LAX1: variants seen among roughly 807,000 people sequenced by gnomAD.
The protein encoded by LAX1 is lymphocyte transmembrane adapter 1.
LAX1 carries 17 observed loss-of-function variants against 20.7 expected under a neutral mutation model. The observed-to-expected ratio is 0.82, with a 90% CI of 0.56 to 1.23. The LOEUF is 1.23. Ranked by LOEUF, LAX1 falls within the 50% of genes most tolerant of loss-of-function variation. The pLI is 0.00. For synonymous variants in LAX1, 165 were observed against 181.0 expected (o/e 0.91, Z 0.71); for missense variants, 470 against 487.0 (o/e 0.97, Z 0.33).
chr1:203,773,782 TTTCAG>T, intron 4 of LAX1, 88 bp from the exon 5 acceptor site: 1 of 193,232 alleles, frequency 5.2e-6, no homozygotes, highest in African/African-American at 3.2e-5. Flanking sequence ...TTTTTTTTTT[TTTCAG>T]AATATGCCAG....
intron 4 of LAX1, among the ~76,000 whole-genome samples, chr1:203,772,774 C>T (rs1667443399): frequency 6.7e-6 from 1 of 149,006 alleles, no homozygotes; most frequent in East Asian, 2.0e-4. Flanking sequence ...TTCCTGGGCT[C>T]AAGCAATCCT....
chr1:203,772,052 T>C lies in LAX1; in HGVS notation c.311-16T>C, dbSNP rs1465133236. 4.4e-6 allele frequency: 7 copies of C among 1,605,586 alleles called. No individual in the cohort carries two copies. Among genetic ancestry groups the C allele is most frequent in the Non-Finnish European group, 6.0e-6 (7 of 1,172,294 alleles). The stretch of plus-strand genomic sequence containing the variant: ...GAGGACTGGCTATCTTCAGGATTTG[T>C]TCTCTGTCCTTTCAGGGAGACATGA... On this transcript the variant is annotated splice_polypyrimidine_tract_variant and intron_variant, in intron 3 of 4. Transcript: ENST00000442561.
Position 203,774,556 on chromosome 1 carries a change from C to G in LAX1, c.1072C>G (p.Gln358Glu). Reference protein sequence around the residue: ...FQPFTQSEDSQMKHREEMSNE... With the variant: ...FQPFTQSEDSEMKHREEMSNE... The stretch of plus-strand genomic sequence containing the variant: ...GCCATTCACACAGAGTGAGGACAGT[C>G]AGATGAAACATAGAGAAGAGATGTC... The change falls in exon 5 of 5, where the codon CAG becomes GAG. Residue 358 changes from glutamine to glutamate, a missense_variant. Physicochemically the swap from Gln to Glu is conservative, Grantham distance 29 (BLOSUM62 2). Transcript: ENST00000442561. 1 of 1,614,162 alleles carries G rather than the reference C, an allele frequency of 6.2e-7. No individual in the cohort carries two copies. Among genetic ancestry groups the G allele is most frequent in the Non-Finnish European group, 8.5e-7 (1 of 1,180,018 alleles).
chr1:203,769,276 C>T (rs138632610), intron 1 of LAX1, among the ~76,000 whole-genome samples: 2 of 151,406 alleles, frequency 1.3e-5, no homozygotes, highest in African/African-American at 2.4e-5. Flanking sequence ...TCTATAGTCC[C>T]GGCTACTCAG....
intron 1 of LAX1, among the ~76,000 whole-genome samples, chr1:203,769,444 G>A (rs7536970): frequency 0.55 from 72,813 of 133,128 alleles, 19,826 homozygotes; most frequent in Non-Finnish European, 0.58. Context: ...AAAGAAAGAA[G>A]GAAAGAAAGA....
chr1:203,773,773 TTTTTTTTTTTTC>T, intron 4 of LAX1, 90 bp from the exon 5 acceptor site: 1 of 281,064 alleles, frequency 3.6e-6, no homozygotes, highest in Non-Finnish European at 6.5e-6. Context: ...TTTTTTTTTT[TTTTTTTTTTTTC>T]AGAATATGCC....
chr1:203,776,115 G>A lies in LAX1; in HGVS notation c.*1434G>A, dbSNP rs1667507277. 6.6e-6 allele frequency: 1 copy of A among 152,172 alleles called. No homozygotes were observed. The highest frequency in any genetic ancestry group is 1.5e-5 in the Non-Finnish European group (1 of 68,056). The allele number at this position is 152,172 out of a possible 1,614,324, so 9.4% of individuals were successfully genotyped here. ...GGGGAACACAAGGTCAGGAGATCAA[G>A]ACTGTCCTGGACAACATGGTGAAAC... On this transcript the variant is annotated 3_prime_UTR_variant, in exon 5 of 5. Transcript: ENST00000442561.
chr1:203,773,877 C>T lies in LAX1; in HGVS notation c.393C>T (p.Pro131=). 6.3e-7 allele frequency: 1 copy of T among 1,598,418 alleles called. No individual in the cohort carries two copies. Among genetic ancestry groups the T allele is most frequent in the Non-Finnish European group, 8.5e-7 (1 of 1,171,712 alleles). Reference sequence around the variant, plus strand: ...TGGCTTCCTTTTCTTCTTCATAGCCCTCCCAAGCAGGCAATGCCTTCCAGG... The same window carrying T: ...TGGCTTCCTTTTCTTCTTCATAGCCTTCCCAAGCAGGCAATGCCTTCCAGG... The part of the protein sequence containing the change: ...SRNSESPEHV[P]SQAGNAFQEH... Residue 131 remains proline, a splice_region_variant and synonymous_variant, in exon 5 of 5, where the codon CCC becomes CCT. Transcript: ENST00000442561.
chr1:203,770,429 AAGAAAGAG>A (rs1363108662), intron 1 of LAX1, among the ~76,000 whole-genome samples: 2 of 20,506 alleles, frequency 9.8e-5, no homozygotes, highest in African/African-American at 1.2e-4. Flanking sequence ...GAAAGAAAGA[AAGAAAGAG>A]AGAGAGAGAG....
intron 1 of LAX1, 34 bp from the exon 2 acceptor site, chr1:203,770,794 A>G: frequency 6.5e-7 from 1 of 1,540,886 alleles, no homozygotes; most frequent in Non-Finnish European, 9.0e-7. Flanking sequence ...CCACCCTCCT[A>G]CAGCTAGCAC....
rs1667395679 is a variant in LAX1, at chr1:203,770,497, G to GAAA, written c.90-331_90-330insAAA. On this transcript the variant is annotated intron_variant, in intron 1 of 4. Coordinates refer to ENST00000442561, the MANE Select transcript of LAX1 (RefSeq NM_017773.4). The stretch of plus-strand genomic sequence containing the variant: ...AGGAAGGAAGGAAGGAAGGAAGGAA[G>GAAA]GAAGGAAGGAAGGAAGAAAGAAAGA... Among the ~76,000 whole-genome samples the GAAA allele has an allele frequency of 3.7e-4, 28 of 75,314 alleles. No homozygotes were observed. In the Middle Eastern group the frequency reaches 0.019, roughly 50 times the overall value. 49.4% of individuals were successfully genotyped at this position (75,314 alleles called of 152,430 possible). A position where few individuals can be genotyped will look rare whatever the true frequency, so the allele number is the denominator to read the frequency against.
At chr1:203,768,072 A>G (rs960936226) in intron 1 of LAX1, among the ~76,000 whole-genome samples, 1 of 152,158 alleles carries the variant, frequency 6.6e-6, no homozygotes, top group Admixed American at 6.5e-5. Context: ...GCACTTTGGG[A>G]GGCCAAGGTG....
chr1:203,765,400 T>C lies in LAX1; in HGVS notation c.-166T>C. 6.4e-7 allele frequency: 1 copy of C among 1,551,868 alleles called. No homozygotes were observed. The highest frequency in any genetic ancestry group is 8.7e-7 in the Non-Finnish European group (1 of 1,147,030). Reference sequence around the variant, plus strand: ...CACGTCCAGGTAGAACCAAACCTGTTGCTTTTGTATGTTGGGTCAACTTGG... The same window carrying C: ...CACGTCCAGGTAGAACCAAACCTGTCGCTTTTGTATGTTGGGTCAACTTGG... On this transcript the variant is annotated 5_prime_UTR_variant, in exon 1 of 5. Transcript: ENST00000442561.
rs944048656 is a variant in LAX1 at position 203,765,254 on chromosome 1, C to G, written c.-312C>G. 8.2e-7 allele frequency: 1 copy of G among 1,214,264 alleles called. No individual in the cohort carries two copies. Among genetic ancestry groups the G allele is most frequent in the African/African-American group, 1.5e-5 (1 of 66,368 alleles). The allele number at this position is 1,214,264 out of a possible 1,614,324, so 75.2% of individuals were successfully genotyped here. On this transcript the variant is annotated 5_prime_UTR_variant, in exon 1 of 5. Transcript: ENST00000442561. ...TCTTGAGCCTCTTGGCAGTTTCCCC[C>G]TCTGTGCCCCTCACGTTTCCACCAG...
Position 203,776,364 on chromosome 1 carries a change from A to AC in LAX1, c.*1683_*1684insC, listed in dbSNP as rs1667512032. 2 of 151,940 alleles carry AC rather than the reference A, an allele frequency of 1.3e-5. No individual in the cohort carries two copies. The highest frequency in any genetic ancestry group is 4.2e-4 in the South Asian group (2 of 4,814). 9.4% of individuals were successfully genotyped at this position (151,940 alleles called of 1,614,324 possible). A position where few individuals can be genotyped will look rare whatever the true frequency, so the allele number is the denominator to read the frequency against. ...AGACTCTGTCTCAAAAAAAAAAAAAAAAAAAAAAAACTGTACACTAGACAA... is the reference window on the plus strand; with the variant it reads ...AGACTCTGTCTCAAAAAAAAAAAAAACAAAAAAAAAACTGTACACTAGACAA... On this transcript the variant is annotated 3_prime_UTR_variant, in exon 5 of 5. Coordinates refer to ENST00000442561, the MANE Select transcript of LAX1 (RefSeq NM_017773.4).
rs1667462245 is a variant in LAX1, at chr1:203,773,876, C to G, written c.392C>G (p.Pro131Arg). ...CTGGCTTCCTTTTCTTCTTCATAGC[C>G]CTCCCAAGCAGGCAATGCCTTCCAG... Reference protein sequence around the residue: ...SRNSESPEHVPSQAGNAFQEH... With the variant: ...SRNSESPEHVRSQAGNAFQEH... The change falls in exon 5 of 5, where the codon CCC (proline) becomes CGC (arginine). Residue 131 changes from proline (P) to arginine (R), a missense_variant and splice_region_variant. Pro to Arg is a moderately radical substitution (Grantham distance 103). Coordinates refer to ENST00000442561, the MANE Select transcript of LAX1 (RefSeq NM_017773.4). 1 of 1,602,248 alleles carries G rather than the reference C, an allele frequency of 6.2e-7. No homozygotes were observed. Among genetic ancestry groups the G allele is most frequent in the Non-Finnish European group, 8.5e-7 (1 of 1,173,806 alleles).
chr1:203,773,850 A>C, intron 4 of LAX1, 25 bp from the exon 5 acceptor site: 5 of 1,466,494 alleles, frequency 3.4e-6, no homozygotes, highest in Non-Finnish European at 4.6e-6. Context: ...GCATCTGACC[A>C]CTGGCTTCCT....
At chr1:203,773,793 G>C in intron 4 of LAX1, 82 bp from the exon 5 acceptor site, 1 of 175,092 alleles carries the variant, frequency 5.7e-6, no homozygotes, top group South Asian at 1.1e-4. Context: ...TTCAGAATAT[G>C]CCAGTGGTAT....
Position 203,772,166 on chromosome 1 carries a change from G to C in LAX1, c.390+19G>C, listed in dbSNP as rs760977988. 6.3e-7 allele frequency: 1 copy of C among 1,579,848 alleles called. No homozygotes were observed. The highest frequency in any genetic ancestry group is 1.1e-5 in the South Asian group (1 of 90,394). Reference sequence around the variant, plus strand: ...GCATGTGGTAAGAGTCAAGCTTCTTGGGAGAATGACATGTCTCTGGCAGAA... The same window carrying C: ...GCATGTGGTAAGAGTCAAGCTTCTTCGGAGAATGACATGTCTCTGGCAGAA... On this transcript the variant is annotated intron_variant, in intron 4 of 4. Coordinates refer to ENST00000442561, the MANE Select transcript of LAX1 (RefSeq NM_017773.4).
Sources: allele counts gnomAD v4.1 joint callset (sites outside exome capture counted in the v4.1 genomes callset), GRCh38; gene constraint gnomAD v4.1.1; transcripts MANE v1.5; gene names NCBI Gene and HGNC (gene_info 2026-07-23, HGNC 2026-07-21).